The following TNNI3K variants were observed in gnomAD, a reference collection of about 807,000 sequenced individuals.
TNNI3K encodes TNNI3 interacting kinase.
TNNI3K carries 140 observed loss-of-function variants against 114.5 expected under a neutral mutation model. The ratio of observed to expected loss-of-function variants is 1.22; its 90% CI spans 1.07 to 1.41. The LOEUF is 1.41. TNNI3K is among the 40% of genes most tolerant of loss of function. TNNI3K has a pLI of 0.00. For missense variants in TNNI3K, 1,125 were observed against 1,007.6 expected (o/e 1.12, Z -1.58); for synonymous variants, 347 against 347.5 (o/e 1.00, Z 0.02).
intron 6 of TNNI3K, among the ~76,000 whole-genome samples, chr1:74,332,008 C>G (rs777478192): frequency 1.3e-5 from 2 of 152,088 alleles, no homozygotes; most frequent in Non-Finnish European, 2.9e-5. Context: ...TAAAACAACT[C>G]ATAAAGGCTC....
At chr1:74,340,039 GGATGTATTACACA>G (rs1234855684) in intron 7 of TNNI3K, among the ~76,000 whole-genome samples, 1 of 152,002 alleles carries the variant, frequency 6.6e-6, no homozygotes, top group African/African-American at 2.4e-5. Flanking sequence ...ATAGCTTGTT[GGATGTATTACACA>G]GATCTGTTAC....
chr1:74,247,477 A>C (rs1226125732), intron 2 of TNNI3K, among the ~76,000 whole-genome samples: 1 of 152,210 alleles, frequency 6.6e-6, no homozygotes, highest in African/African-American at 2.4e-5. Context: ...GAAAGGGGAC[A>C]CAAGCAAGTT....
intron 17 of TNNI3K, among the ~76,000 whole-genome samples, chr1:74,421,954 TTATTATTA>T (rs1665417570): frequency 6.5e-4 from 1 of 1,540 alleles, no homozygotes; most frequent in Non-Finnish European, 4.7e-3. Flanking sequence ...ATTGCTTTTA[TTATTATTA>T]TTATTATTAT....
intron 9 of TNNI3K, among the ~76,000 whole-genome samples, chr1:74,351,082 C>T (rs556175757): frequency 9.9e-5 from 15 of 151,496 alleles, no homozygotes; most frequent in African/African-American, 3.1e-4. Context: ...TACAATTTGG[C>T]ATGTTTTTGC....
intron 17 of TNNI3K, among the ~76,000 whole-genome samples, chr1:74,397,421 G>GT (rs1664141175): frequency 6.6e-6 from 1 of 152,188 alleles, no homozygotes; most frequent in African/African-American, 2.4e-5. Flanking sequence ...GTAGAGGAGA[G>GT]TAGAAAGCTG....
intron 5 of TNNI3K, among the ~76,000 whole-genome samples, chr1:74,289,654 G>A (rs1171572861): frequency 6.6e-6 from 1 of 151,874 alleles, no homozygotes; most frequent in Non-Finnish European, 1.5e-5. Context: ...TTGATAGCAT[G>A]GAAATACTTC....
At chr1:74,377,091 A>G (rs940282472) in intron 17 of TNNI3K, 4 of 151,996 alleles carry the variant, frequency 2.6e-5, no homozygotes, top group African/African-American at 7.2e-5. Flanking sequence ...AGTTATTCCA[A>G]TATCTAGGCA....
At chr1:74,338,620 C>A (rs539483684) in intron 7 of TNNI3K, among the ~76,000 whole-genome samples, 1 of 152,046 alleles carries the variant, frequency 6.6e-6, no homozygotes, top group African/African-American at 2.4e-5. Flanking sequence ...ACTGCCAGTT[C>A]CTTGGTTCAA....
chr1:74,245,582 A>G (rs1055395229), intron 2 of TNNI3K, among the ~76,000 whole-genome samples: 6 of 152,230 alleles, frequency 3.9e-5, no homozygotes, highest in Admixed American at 6.5e-5. Context: ...CCAAAGTTTC[A>G]TATCACTTGT....
chr1:74,268,226 G>T (rs1322272924), intron 4 of TNNI3K, among the ~76,000 whole-genome samples: 1 of 151,760 alleles, frequency 6.6e-6, no homozygotes, highest in East Asian at 1.9e-4. Flanking sequence ...TGCTTAAAAA[G>T]ACCTTCCCTA....
chr1:74,354,193 T>G (rs1661539383), intron 11 of TNNI3K, 64 bp downstream of exon 11: 1 of 1,586,902 alleles, frequency 6.3e-7, no homozygotes, highest in Non-Finnish European at 8.6e-7. Flanking sequence ...ATTATGTCAG[T>G]GCATCAATAA....
intron 23 of TNNI3K, among the ~76,000 whole-genome samples, chr1:74,500,584 A>AGT (rs1669568245): frequency 8.5e-6 from 1 of 117,168 alleles, no homozygotes; most frequent in Non-Finnish European, 1.6e-5. Flanking sequence ...AGCCTGGGCG[A>AGT]CAGAGCGAGA....
At chr1:74,436,295 C>T (rs1210251904) in intron 18 of TNNI3K, among the ~76,000 whole-genome samples, 163 bp downstream of exon 18, 1 of 151,906 alleles carries the variant, frequency 6.6e-6, no homozygotes, top group Non-Finnish European at 1.5e-5. Context: ...AATGACCCTA[C>T]ATTTTGAAAC....
At chr1:74,402,243 A>G (rs1361336990) in intron 17 of TNNI3K, among the ~76,000 whole-genome samples, 1 of 152,154 alleles carries the variant, frequency 6.6e-6, no homozygotes, top group Non-Finnish European at 1.5e-5. Context: ...ATTTCAGTAG[A>G]CAACCCAGGA....
At chr1:74,238,616 T>C (rs1185867632) in intron 2 of TNNI3K, among the ~76,000 whole-genome samples, 2 of 152,086 alleles carry the variant, frequency 1.3e-5, no homozygotes, top group Admixed American at 1.3e-4. Flanking sequence ...AAATCTGAAA[T>C]ATAGCTTTTA....
chr1:74,540,193 A>G (rs752505483), intron 23 of TNNI3K, 41 bp from the exon 24 acceptor site: 1 of 1,593,692 alleles, frequency 6.3e-7, no homozygotes, highest in Non-Finnish European at 8.5e-7. Flanking sequence ...TGTTATTATC[A>G]GATCACCATA....
At chr1:74,332,976 A>AAAGAG (rs57556485) in intron 6 of TNNI3K, among the ~76,000 whole-genome samples, 45,275 of 90,510 alleles carry the variant, frequency 0.5, 12,660 homozygotes, top group Non-Finnish European at 0.63. Context: ...AAAAAAAAAA[A>AAAGAG]AGAGAGAGAC....
In TNNI3K at chr1:74,236,322, A is replaced by G. The variant is rs1653857618; in HGVS notation, c.149+112A>G. Reference sequence around the variant, plus strand: ...CGTAGAACCTCAGACATAAGCAGTCATGTTCTAAGCCTTAGGATGTCAGAT... The same window carrying G: ...CGTAGAACCTCAGACATAAGCAGTCGTGTTCTAAGCCTTAGGATGTCAGAT... On this transcript the variant is annotated intron_variant, in intron 2 of 24. Transcript: ENST00000326637. 3 of 880,162 alleles carry G rather than the reference A, an allele frequency of 3.4e-6. No individual in the cohort carries two copies. In the Admixed American group the frequency reaches 8.9e-5, roughly 26 times the overall value. 54.5% of individuals were successfully genotyped at this position (880,162 alleles called of 1,614,324 possible). A position where few individuals can be genotyped will look rare whatever the true frequency, so the allele number is the denominator to read the frequency against.
intron 23 of TNNI3K, among the ~76,000 whole-genome samples, chr1:74,522,166 T>TGAA (rs1646442249): frequency 6.6e-6 from 1 of 152,146 alleles, no homozygotes; most frequent in Non-Finnish European, 1.5e-5. Context: ...ATATAGCAGG[T>TGAA]GAAGCATTCA....
Sources: allele counts gnomAD v4.1 joint callset (sites outside exome capture counted in the v4.1 genomes callset), GRCh38; gene constraint gnomAD v4.1.1; transcripts MANE v1.5; gene names NCBI Gene and HGNC (gene_info 2026-07-23, HGNC 2026-07-21).